Variants in IL23R observed in about 807,000 individuals in gnomAD.
The protein encoded by IL23R is interleukin 23 receptor, also known as interleukin-23 receptor.
Under a neutral mutation model 56.9 loss-of-function variants are expected in IL23R, and 34 were observed. The ratio of observed to expected loss-of-function variants is 0.60; its 90% CI spans 0.45 to 0.80. The LOEUF is 0.80. IL23R is among the 30% of genes least tolerant of loss of function. The pLI is 0.00. For synonymous variants in IL23R, 230 were observed against 249.2 expected (o/e 0.92, Z 0.73); for missense variants, 635 against 730.0 (o/e 0.87, Z 1.50).
At chr1:67,235,876 G>A (rs1291063355) in intron 7 of IL23R, among the ~76,000 whole-genome samples, 4 of 152,154 alleles carry the variant, frequency 2.6e-5, no homozygotes, top group East Asian at 1.9e-4. Flanking sequence ...AAAAATTTGA[G>A]CACTGAAATC....
At chr1:67,200,625 T>A (rs939990664) in intron 4 of IL23R, 112 bp from the exon 5 acceptor site, 3 of 1,008,678 alleles carry the variant, frequency 3.0e-6, no homozygotes, top group African/African-American at 3.2e-5. Context: ...CCTCAGGTGA[T>A]CCAACCCGCT....
At chr1:67,155,486 T>C (rs1202927240) in intron 1 of IL23R, among the ~76,000 whole-genome samples, 3 of 152,188 alleles carry the variant, frequency 2.0e-5, no homozygotes, top group African/African-American at 7.2e-5. Context: ...GCTTTGTTCA[T>C]TCCTTTTCAT....
upstream of IL23R, among the ~76,000 whole-genome samples, chr1:67,164,599 T>C (rs1646853762): frequency 6.6e-6 from 1 of 151,262 alleles, no homozygotes; most frequent in African/African-American, 2.4e-5. Context: ...GCCATTGCAC[T>C]CCAGCCTGGG....
chr1:67,182,977 G>T lies in IL23R; in HGVS notation c.491+18G>T, dbSNP rs769386834. On this transcript the variant is annotated intron_variant, in intron 4 of 10. Coordinates refer to ENST00000347310, the MANE Select transcript of IL23R (RefSeq NM_144701.3). ...GTGAAGAGGTAGGTCACTTCCTCAC[G>T]GCTTCATATAAGCAGTTCCACCCCA... 6.2e-7 allele frequency: 1 copy of T among 1,613,340 alleles called. No individual in the cohort carries two copies. The highest frequency in any genetic ancestry group is 8.5e-7 in the Non-Finnish European group (1 of 1,179,604).
chr1:67,167,943 C>G (rs1646893233), intron 1 of IL23R, 149 bp from the exon 2 acceptor site: 9 of 572,696 alleles, frequency 1.6e-5, no homozygotes, highest in Non-Finnish European at 1.9e-5. Flanking sequence ...TGCTCTGTTT[C>G]CTTCCTTCCT....
At chr1:67,201,147 T>C (rs1279734303) in intron 5 of IL23R, among the ~76,000 whole-genome samples, 1 of 152,006 alleles carries the variant, frequency 6.6e-6, no homozygotes, top group Admixed American at 6.6e-5. Flanking sequence ...CTCACGCCTG[T>C]AATCCCAGCA....
chr1:67,228,513 T>C (rs1180851027), intron 7 of IL23R, among the ~76,000 whole-genome samples: 2 of 151,840 alleles, frequency 1.3e-5, no homozygotes, highest in African/African-American at 2.4e-5. Flanking sequence ...TTATGCTTTT[T>C]CTTGAAGTCA....
intron 9 of IL23R, among the ~76,000 whole-genome samples, chr1:67,254,001 TATCTATAA>T (rs1286352439): frequency 1.3e-5 from 2 of 152,148 alleles, no homozygotes; most frequent in Non-Finnish European, 2.9e-5. Flanking sequence ...AACTATTCAT[TATCTATAA>T]AAGCCTTAGT....
chr1:67,208,967 G>A (rs923040980), intron 6 of IL23R, among the ~76,000 whole-genome samples: 1 of 152,116 alleles, frequency 6.6e-6, no homozygotes, highest in Admixed American at 6.5e-5. Context: ...CCAAGACCAT[G>A]GGAACCCACC....
upstream of IL23R, among the ~76,000 whole-genome samples, chr1:67,162,451 C>T (rs1489454327): frequency 1.3e-5 from 2 of 152,040 alleles, no homozygotes; most frequent in Non-Finnish European, 2.9e-5. Flanking sequence ...CGCGCCACTG[C>T]ACTCCAGCCT....
chr1:67,236,353 T>C (rs1418416041), intron 7 of IL23R, among the ~76,000 whole-genome samples: 1 of 152,240 alleles, frequency 6.6e-6, no homozygotes, highest in Non-Finnish European at 1.5e-5. Context: ...GCACCATCAA[T>C]TGCAAGGAAT....
At chr1:67,245,626 T>C (rs946219480) in intron 9 of IL23R, among the ~76,000 whole-genome samples, 6 of 152,228 alleles carry the variant, frequency 3.9e-5, no homozygotes, top group Non-Finnish European at 8.8e-5. Context: ...CATTTGCCTA[T>C]GTTGAACCAG....
chr1:67,169,222 G>T, intron 2 of IL23R, 120 bp from the exon 3 acceptor site: 1 of 709,158 alleles, frequency 1.4e-6, no homozygotes, highest in Non-Finnish European at 2.3e-6. Context: ...TCCTAAAACT[G>T]TTTTCAATGG....
At chr1:67,149,612 C>G (rs778253203) in intron 1 of IL23R, among the ~76,000 whole-genome samples, 6 of 152,128 alleles carry the variant, frequency 3.9e-5, no homozygotes, top group Non-Finnish European at 8.8e-5. Context: ...GGTCCCCCTG[C>G]CCAAATCCCT....
intron 4 of IL23R, among the ~76,000 whole-genome samples, chr1:67,194,293 G>C (rs1570820457): frequency 6.6e-6 from 1 of 151,636 alleles, no homozygotes; most frequent in Non-Finnish European, 1.5e-5. Flanking sequence ...GGGCAAGGGG[G>C]TTGGGGGGAC....
chr1:67,225,754 C>T (rs1433094202), intron 7 of IL23R, among the ~76,000 whole-genome samples: 1 of 151,868 alleles, frequency 6.6e-6, no homozygotes, highest in African/African-American at 2.4e-5. Flanking sequence ...AAATGATCCC[C>T]CTGCCTTGGC....
intron 1 of IL23R, among the ~76,000 whole-genome samples, chr1:67,147,587 C>G (rs931246537): frequency 6.6e-6 from 1 of 151,996 alleles, no homozygotes; most frequent in Non-Finnish European, 1.5e-5. Context: ...GTAATCCCAG[C>G]TACTCAGGAG....
intron 1 of IL23R, among the ~76,000 whole-genome samples, chr1:67,148,815 C>G (rs1031132191): frequency 1.3e-5 from 2 of 152,138 alleles, no homozygotes; most frequent in Non-Finnish European, 2.9e-5. Context: ...CAGGCAGTAG[C>G]AGCAGTGTTA....
intron 1 of IL23R, among the ~76,000 whole-genome samples, chr1:67,158,813 T>C (rs556217082): frequency 3.3e-5 from 5 of 151,824 alleles, no homozygotes; most frequent in East Asian, 1.9e-4. Context: ...TGGGAGATGA[T>C]TGGATCATGG....
Sources: gnomAD v4.1 joint callset for allele counts (sites outside exome capture counted in the v4.1 genomes callset) on GRCh38, gnomAD v4.1.1 for gene constraint, MANE v1.5 for transcripts, NCBI Gene and HGNC (gene_info 2026-07-23, HGNC 2026-07-21) for gene names.